The following NOX4 variants were observed in gnomAD, a reference collection of about 807,000 sequenced individuals.
The protein encoded by NOX4 is NADPH oxidase 4, also known as kidney oxidase-1.
In NOX4, 69 loss-of-function variants were observed where a neutral mutation model predicts 87.6. The observed-to-expected ratio is 0.79, with a 90% CI of 0.65 to 0.96. The LOEUF (loss-of-function observed/expected upper bound fraction) is 0.96. Ranked by LOEUF, NOX4 falls within the 40% of genes least tolerant of loss-of-function variation. The pLI is 0.00. For synonymous variants in NOX4, 275 were observed against 238.2 expected, an observed-to-expected ratio of 1.15 and a Z score of -1.42; for missense variants, 680 against 681.5, an observed-to-expected ratio of 1.00 and a Z score of 0.02.
At chr11:89,445,572 A>T (rs74383550) in intron 4 of NOX4, among the ~76,000 whole-genome samples, 5,312 of 152,246 alleles carry the variant, frequency 0.035, 328 homozygotes, top group African/African-American at 0.12. Flanking sequence ...CCACATTAAT[A>T]CAGTCAATTG....
the NOX4 span, among the ~76,000 whole-genome samples, chr11:89,563,125 T>C: frequency 6.6e-6 from 1 of 152,180 alleles, no homozygotes; most frequent in Non-Finnish European, 1.5e-5. Context: ...ACCTCTTTTG[T>C]TTATAAATTA....
chr11:89,418,142 A>C (rs1942881387), intron 8 of NOX4, among the ~76,000 whole-genome samples: 1 of 151,980 alleles, frequency 6.6e-6, no homozygotes, highest in Non-Finnish European at 1.5e-5. Context: ...ATAGAACAAA[A>C]AATTTGGGTC....
chr11:89,490,028 T>C (rs1445753336), intron 2 of NOX4, among the ~76,000 whole-genome samples: 1 of 152,132 alleles, frequency 6.6e-6, no homozygotes, highest in African/African-American at 2.4e-5. Flanking sequence ...TAGACCCATA[T>C]TTTGTGAGAG....
chr11:89,400,250 T>C lies in NOX4; in HGVS notation c.976A>G (p.Met326Val). 6.2e-7 allele frequency: 1 copy of C among 1,612,988 alleles called. No homozygotes were observed. Among genetic ancestry groups the C allele is most frequent in the Non-Finnish European group, 8.5e-7 (1 of 1,179,304 alleles). Residue 326 changes from methionine to valine, a missense_variant, in exon 10 of 18, where the codon ATG becomes GTG. Met to Val is a conservative substitution (Grantham distance 21). Transcript: ENST00000263317. The stretch of plus-strand genomic sequence containing the variant: ...CTTGCTTTAAAATTTTCTTTGACCA[T>C]TCGGATTTCCATGACATCTGAGGGA... ...SHPSDVMEIRMVKENFKARPG... is the reference protein window; with the variant it reads ...SHPSDVMEIRVVKENFKARPG...
chr11:89,495,902 C>G (rs1412726413), upstream of NOX4, among the ~76,000 whole-genome samples: 1 of 152,020 alleles, frequency 6.6e-6, no homozygotes, highest in African/African-American at 2.4e-5. Context: ...GTAAAAAGAG[C>G]CTGTGTGTTT....
intron 8 of NOX4, among the ~76,000 whole-genome samples, chr11:89,403,454 G>T (rs1383037337): frequency 6.6e-6 from 1 of 152,084 alleles, no homozygotes; most frequent in African/African-American, 2.4e-5. Context: ...TTTTTGGTTG[G>T]TTTACAGTAC....
chr11:89,378,648 A>AGGAGAAAAATATAG (rs1477802979), intron 11 of NOX4, among the ~76,000 whole-genome samples: 1 of 152,200 alleles, frequency 6.6e-6, no homozygotes, highest in Non-Finnish European at 1.5e-5. Flanking sequence ...AGAAAAATAT[A>AGGAGAAAAATATAG]GGAGAAAAAT....
the NOX4 span, among the ~76,000 whole-genome samples, chr11:89,580,873 T>G: frequency 6.6e-6 from 1 of 152,158 alleles, no homozygotes; most frequent in Admixed American, 6.5e-5. Context: ...CTGTGAAACA[T>G]GGAATTTATT....
chr11:89,555,695 AC>A, the NOX4 span, among the ~76,000 whole-genome samples: 1 of 152,118 alleles, frequency 6.6e-6, no homozygotes, highest in African/African-American at 2.4e-5. Flanking sequence ...AAACAGAAGT[AC>A]CATGGACACC....
At chr11:89,390,914 C>A (rs1468788858) in intron 11 of NOX4, among the ~76,000 whole-genome samples, 1 of 152,044 alleles carries the variant, frequency 6.6e-6, no homozygotes, top group African/African-American at 2.4e-5. Context: ...CAAATGAGAG[C>A]CACTTTGGAA....
At chr11:89,444,065 A>G (rs1287221711) in intron 5 of NOX4, 70 bp downstream of exon 5, 1 of 1,359,054 alleles carries the variant, frequency 7.4e-7, no homozygotes, top group Non-Finnish European at 1.0e-6. Flanking sequence ...ATTTTCAGGG[A>G]AAAATCACAG....
rs566012933 is a variant in NOX4 at position 89,461,408 on chromosome 11, G to T, written c.154-9513C>A. Reference sequence around the variant, plus strand: ...GCCTGTAATCCCAGCACTTTGGGAGGCTAAGGCTGGCGGATCATGAGGTCA... The same window carrying T: ...GCCTGTAATCCCAGCACTTTGGGAGTCTAAGGCTGGCGGATCATGAGGTCA... On this transcript the variant is annotated intron_variant, in intron 2 of 17. Coordinates refer to ENST00000263317, the MANE Select transcript of NOX4 (RefSeq NM_016931.5). Among the ~76,000 whole-genome samples the T allele has an allele frequency of 1.9e-4, 29 of 152,060 alleles. No individual in the cohort carries two copies. In the South Asian group the frequency reaches 5.8e-3, roughly 30 times the overall value.
chr11:89,349,441 A>G (rs1946360659), intron 13 of NOX4, among the ~76,000 whole-genome samples: 1 of 152,188 alleles, frequency 6.6e-6, no homozygotes, highest in Non-Finnish European at 1.5e-5. Context: ...GGAAAGAGAA[A>G]GGAGGATAAG....
At chr11:89,560,901 T>G in the NOX4 span, among the ~76,000 whole-genome samples, 3 of 148,496 alleles carry the variant, frequency 2.0e-5, no homozygotes, top group Non-Finnish European at 4.5e-5. Context: ...TTTCAGTGTT[T>G]TCAGGTTGCA....
At chr11:89,484,095 C>T (rs1304312252) in intron 2 of NOX4, among the ~76,000 whole-genome samples, 1 of 151,986 alleles carries the variant, frequency 6.6e-6, no homozygotes, top group Non-Finnish European at 1.5e-5. Context: ...CTAGTATTAG[C>T]CAGTTATCAC....
intron 2 of NOX4, among the ~76,000 whole-genome samples, chr11:89,474,067 G>A (rs751615130): frequency 6.9e-4 from 105 of 152,166 alleles, no homozygotes; most frequent in Non-Finnish European, 1.4e-3. Context: ...CACTAGTGCA[G>A]TTGTTGGGAA....
chr11:89,520,800 G>T, the NOX4 span, among the ~76,000 whole-genome samples: 7 of 152,190 alleles, frequency 4.6e-5, no homozygotes, highest in African/African-American at 1.4e-4. Context: ...AACTCTAAAG[G>T]CTATGCCAAA....
At chr11:89,545,430 T>A in the NOX4 span, 1 of 152,112 alleles carries the variant, frequency 6.6e-6, no homozygotes, top group African/African-American at 2.4e-5. Context: ...TTCTAACCTC[T>A]GCAGATTATA....
chr11:89,437,477 C>T (rs145042455), intron 6 of NOX4, among the ~76,000 whole-genome samples: 3 of 152,122 alleles, frequency 2.0e-5, no homozygotes, highest in Admixed American at 6.6e-5. Context: ...TCCAGACTCA[C>T]GCTTAGGGAG....
Sources: gnomAD v4.1 joint callset for allele counts (sites outside exome capture counted in the v4.1 genomes callset) on GRCh38, gnomAD v4.1.1 for gene constraint, MANE v1.5 for transcripts, NCBI Gene and HGNC (gene_info 2026-07-23, HGNC 2026-07-21) for gene names.